The following DNAI7 variants were observed in gnomAD, a reference collection of about 807,000 sequenced individuals.
The protein encoded by DNAI7 is dynein axonemal intermediate chain 7, also known as cancer susceptibility 1.
A neutral mutation model predicts 86.6 loss-of-function variants in DNAI7; 78 were observed. That is an observed-to-expected ratio of 0.90 (90% CI 0.75 to 1.09). The LOEUF is 1.09. Ranked by LOEUF, DNAI7 falls within the 50% of genes least tolerant of loss-of-function variation. The pLI, the probability that DNAI7 is intolerant of heterozygous loss-of-function variation, is 0.00. For missense variants in DNAI7, 753 were observed against 810.2 expected (o/e 0.93, Z 0.86); for synonymous variants, 274 against 273.0 (o/e 1.00, Z -0.04).
chr12:25,179,896 C>T (rs1034143711), intron 2 of DNAI7, among the ~76,000 whole-genome samples: 4 of 152,070 alleles, frequency 2.6e-5, no homozygotes, highest in Non-Finnish European at 5.9e-5. Context: ...AAAAGGGTGT[C>T]CACTCTCATC....
At chr12:25,162,695 T>C (rs1205100540) in intron 2 of DNAI7, among the ~76,000 whole-genome samples, 1 of 152,206 alleles carries the variant, frequency 6.6e-6, no homozygotes, top group Non-Finnish European at 1.5e-5. Flanking sequence ...CCTCCCACCT[T>C]CATTTCTTCC....
At chr12:25,149,424 AAAAAC>A (rs1310260997) in intron 7 of DNAI7, among the ~76,000 whole-genome samples, 199 bp downstream of exon 7, 1 of 152,132 alleles carries the variant, frequency 6.6e-6, no homozygotes, top group Non-Finnish European at 1.5e-5. Flanking sequence ...ACTATCTCTA[AAAAAC>A]AAAACAAAAC....
intron 9 of DNAI7, among the ~76,000 whole-genome samples, chr12:25,135,319 G>A (rs1232549356): frequency 6.6e-6 from 1 of 152,146 alleles, no homozygotes; most frequent in African/African-American, 2.4e-5. Flanking sequence ...CCCTGTAGGC[G>A]CTCCTGGTCT....
intron 14 of DNAI7, among the ~76,000 whole-genome samples, chr12:25,111,501 T>A (rs1351807711): frequency 6.6e-6 from 1 of 152,170 alleles, no homozygotes; most frequent in Non-Finnish European, 1.5e-5. Flanking sequence ...AAAGAAAGTA[T>A]ATAAAATGAG....
At chr12:25,189,716 T>C (rs1950335916) in intron 2 of DNAI7, among the ~76,000 whole-genome samples, 1 of 152,054 alleles carries the variant, frequency 6.6e-6, no homozygotes, top group Non-Finnish European at 1.5e-5. Context: ...TGGGAAAATT[T>C]ACAGAGAAGT....
chr12:25,154,350 T>C lies in DNAI7; in HGVS notation c.407A>G (p.Glu136Gly). ...WKEKTNETFE[E>G]VIEKSKVVLN... Reference sequence around the variant, plus strand: ...CACTACTTTACTCTTCTCAATCACTTCCTCAAAAGTCTCATTTGTTTTCTC... The same window carrying C: ...CACTACTTTACTCTTCTCAATCACTCCCTCAAAAGTCTCATTTGTTTTCTC... Residue 136 changes from glutamate to glycine, a missense_variant, in exon 6 of 16, where the codon GAA (glutamate) becomes GGA (glycine). Coordinates refer to ENST00000395987, the MANE Select transcript of DNAI7 (RefSeq NM_018272.5). 1 of 1,609,890 alleles carries C rather than the reference T, an allele frequency of 6.2e-7. No homozygotes were observed. Among genetic ancestry groups the C allele is most frequent in the Non-Finnish European group, 8.5e-7 (1 of 1,179,084 alleles).
At chr12:25,155,224 T>A in intron 5 of DNAI7, 87 bp downstream of exon 5, 1 of 598,938 alleles carries the variant, frequency 1.7e-6, no homozygotes. Flanking sequence ...CAGAAAAATT[T>A]AGTTTCTTTT....
intron 7 of DNAI7, among the ~76,000 whole-genome samples, chr12:25,148,753 G>T (rs913784270): frequency 2.6e-5 from 4 of 151,868 alleles, no homozygotes; most frequent in Non-Finnish European, 5.9e-5. Context: ...TTCCAAATTT[G>T]ATCAGTGGGA....
At chr12:25,129,750 A>G (rs1338444951) in intron 9 of DNAI7, among the ~76,000 whole-genome samples, 1 of 133,788 alleles carries the variant, frequency 7.5e-6, no homozygotes, top group Non-Finnish European at 1.6e-5. Context: ...TTTTGGGTTT[A>G]TTTTTATTTT....
At chr12:25,121,985 A>T (rs1941373208) in intron 10 of DNAI7, 72 bp from the exon 11 acceptor site, 7 of 1,051,884 alleles carry the variant, frequency 6.7e-6, no homozygotes, top group Non-Finnish European at 9.5e-6. Context: ...AAATTTAAAA[A>T]TTCTCATACT....
chr12:25,122,064 T>G (rs1388557270), intron 10 of DNAI7, 151 bp from the exon 11 acceptor site: 3 of 567,244 alleles, frequency 5.3e-6, no homozygotes, highest in Non-Finnish European at 9.1e-6. Context: ...AAATGATTCA[T>G]AGAGCTGACC....
chr12:25,173,899 C>A (rs556360447), intron 2 of DNAI7, among the ~76,000 whole-genome samples: 1 of 45,822 alleles, frequency 2.2e-5, no homozygotes, highest in Admixed American at 2.0e-4. Flanking sequence ...CATATATATA[C>A]CACATCATAT....
chr12:25,158,690 A>C, intron 3 of DNAI7, 127 bp from the exon 4 acceptor site: 2 of 1,494,102 alleles, frequency 1.3e-6, no homozygotes, highest in Non-Finnish European at 1.8e-6. Context: ...TCTTTATTAC[A>C]TGGTAGATAT....
chr12:25,157,534 TAA>T (rs897461490), intron 4 of DNAI7, among the ~76,000 whole-genome samples: 2 of 151,936 alleles, frequency 1.3e-5, no homozygotes, highest in African/African-American at 2.4e-5. Flanking sequence ...TCCTTAATTT[TAA>T]AAAAAAGTTG....
At position 25,144,584 on chromosome 12, in the gene DNAI7, G is replaced by T; in HGVS notation, c.783C>A (p.Thr261=). 1 of 1,613,850 alleles carries T rather than the reference G, an allele frequency of 6.2e-7. No individual in the cohort carries two copies. The highest frequency in any genetic ancestry group is 8.5e-7 in the Non-Finnish European group (1 of 1,179,836). The change falls in exon 9 of 16, where the codon ACC becomes ACA. Residue 261 remains threonine (T), a synonymous_variant. Coordinates refer to ENST00000395987, the MANE Select transcript of DNAI7 (RefSeq NM_018272.5). The part of the protein sequence containing the change: ...TSDIAVRLLH[T]HYDHVSALHP... ...GCAGTGCAGAAACATGATCATAGTG[G>T]GTATGCAGGAGTCGTACAGCAATGT...
intron 6 of DNAI7, 113 bp from the exon 7 acceptor site, chr12:25,149,887 T>C (rs184490354): frequency 2.6e-4 from 158 of 604,662 alleles, no homozygotes; most frequent in Non-Finnish European, 3.0e-4. Flanking sequence ...GCAAAACATA[T>C]AGAAACCTTT....
Position 25,155,430 on chromosome 12 carries a change from A to G in DNAI7, c.199-18T>C. 1 of 1,354,578 alleles carries G rather than the reference A, an allele frequency of 7.4e-7. No homozygotes were observed. The highest frequency in any genetic ancestry group is 1.3e-5 in the South Asian group (1 of 79,322). The allele number at this position is 1,354,578 out of a possible 1,614,324, so 83.9% of individuals were successfully genotyped here. A position where few individuals can be genotyped will look rare whatever the true frequency, so the allele number is the denominator to read the frequency against. On this transcript the variant is annotated intron_variant, in intron 4 of 15. Coordinates refer to ENST00000395987, the MANE Select transcript of DNAI7 (RefSeq NM_018272.5). ...TCTAGATCCTGTTGCACAAGGACAG[A>G]TACATTGATCAGCTCTTTAATTTTA...
intron 2 of DNAI7, among the ~76,000 whole-genome samples, chr12:25,163,617 G>A (rs370794865): frequency 2.8e-4 from 42 of 152,284 alleles, no homozygotes; most frequent in Admixed American, 4.6e-4. Context: ...TCATATGGAC[G>A]AGAGTGAAAT....
chr12:25,130,934 A>T (rs1942832920), intron 9 of DNAI7, among the ~76,000 whole-genome samples: 1 of 152,152 alleles, frequency 6.6e-6, no homozygotes, highest in Admixed American at 6.5e-5. Context: ...TGTGTACATC[A>T]TCTAATGTAA....
Sources: gnomAD v4.1 joint callset for allele counts (sites outside exome capture counted in the v4.1 genomes callset) on GRCh38, gnomAD v4.1.1 for gene constraint, MANE v1.5 for transcripts, NCBI Gene and HGNC (gene_info 2026-07-23, HGNC 2026-07-21) for gene names.